Variants in HMCN2 observed in about 807,000 individuals in gnomAD.
HMCN2 encodes the protein hemicentin 2.
HMCN2 carries 325 observed loss-of-function variants against 377.5 expected under a neutral mutation model. That is an observed-to-expected ratio of 0.86 (90% confidence interval 0.79 to 0.94). The LOEUF (loss-of-function observed/expected upper bound fraction) is 0.94, where lower values mean the gene tolerates loss of function less well. Ranked by LOEUF, HMCN2 falls within the 40% of genes least tolerant of loss-of-function variation. HMCN2 has a pLI of 0.00. For synonymous variants in HMCN2, 2,007 were observed against 2,046.8 expected (o/e 0.98, Z 0.53); for missense variants, 4,543 against 4,725.3 (o/e 0.96, Z 1.13).
intron 40 of HMCN2, among the ~76,000 whole-genome samples, chr9:130,363,578 T>G (rs1840501740): frequency 6.6e-6 from 1 of 151,884 alleles, no homozygotes; most frequent in Admixed American, 6.6e-5. Flanking sequence ...TCCCAGCACT[T>G]TGGGAGGCTG....
At chr9:130,266,952 CTTT>C (rs10561462) in intron 1 of HMCN2, among the ~76,000 whole-genome samples, 1 of 149,222 alleles carries the variant, frequency 6.7e-6, no homozygotes, top group African/African-American at 2.5e-5. Context: ...TTCCACACTT[CTTT>C]TTTTTTTTGA....
At position 130,382,216 on chromosome 9, in the gene HMCN2, G is replaced by A. The variant is rs1449308245; in HGVS notation, c.8464G>A (p.Ala2822Thr). Reference sequence around the variant, plus strand: ...GGTCCTGCAGATCCCCCTGGTGCGGGCAGAGAACGCCGGGAGGTACTCGTG... The same window carrying A: ...GGTCCTGCAGATCCCCCTGGTGCGGACAGAGAACGCCGGGAGGTACTCGTG... ...GRVLQIPLVR[A>T]ENAGRYSCKA... The change falls in exon 55 of 98, where the codon GCA becomes ACA. Residue 2822 changes from alanine to threonine, a missense_variant. Ala to Thr is a moderately conservative substitution (Grantham distance 58). Around this residue, in one of 5 missense-constraint regions of HMCN2, gnomAD observed 736 missense variants for 773.2 expected, o/e 0.95. Coordinates refer to ENST00000683500, the MANE Select transcript of HMCN2 (RefSeq NM_001291815.2). 10 of 985,736 alleles carry A rather than the reference G, an allele frequency of 1.0e-5. No individual in the cohort carries two copies. In the East Asian group the frequency reaches 1.0e-3, roughly 101 times the overall value. 61.1% of individuals were successfully genotyped at this position (985,736 alleles called of 1,614,324 possible). A position where few individuals can be genotyped will look rare whatever the true frequency, so the allele number is the denominator to read the frequency against.
chr9:130,345,888 C>T (rs1214819137), intron 25 of HMCN2, among the ~76,000 whole-genome samples: 2 of 151,838 alleles, frequency 1.3e-5, no homozygotes, highest in African/African-American at 4.8e-5. Flanking sequence ...GGGGGCAGGG[C>T]AGCCTCCTGC....
intron 4 of HMCN2, among the ~76,000 whole-genome samples, chr9:130,291,588 A>G (rs1835769687): frequency 6.6e-6 from 1 of 152,252 alleles, no homozygotes; most frequent in Admixed American, 6.5e-5. Flanking sequence ...AAAAGTAAAA[A>G]GAACACACCT....
intron 75 of HMCN2, among the ~76,000 whole-genome samples, chr9:130,399,025 G>A (rs1373767401): frequency 6.6e-6 from 1 of 152,094 alleles, no homozygotes; most frequent in African/African-American, 2.4e-5. Flanking sequence ...GGCTGAGGTG[G>A]GAGGATTGCT....
rs1488855580 is a variant in HMCN2 at position 130,368,269 on chromosome 9, C to T, written c.6626-7C>T. 1.0e-6 allele frequency: 1 copy of T among 985,528 alleles called. No individual in the cohort carries two copies. The highest frequency in any genetic ancestry group is 1.2e-6 in the Non-Finnish European group (1 of 829,896). The allele number at this position is 985,528 out of a possible 1,614,324, so 61.0% of individuals were successfully genotyped here. A position where few individuals can be genotyped will look rare whatever the true frequency, so the allele number is the denominator to read the frequency against. On this transcript the variant is annotated splice_polypyrimidine_tract_variant and splice_region_variant and intron_variant, in intron 43 of 97. Transcript: ENST00000683500. ...TGGACCAGGAGTTTCTTTTTTCCTG[C>T]ACCCAGGTCAACCCCTCCCCGGGGA...
In HMCN2 at chr9:130,428,686, G is replaced by T. The variant is rs1844541459; in HGVS notation, c.14197+197G>T. Among the ~76,000 whole-genome samples, 1 of 152,160 alleles carries T rather than the reference G, an allele frequency of 6.6e-6. No homozygotes were observed. The highest frequency in any genetic ancestry group is 2.4e-5 in the African/African-American group (1 of 41,436). Reference sequence around the variant, plus strand: ...GGTCTGAGCCCTCCCCTGGCTCCTGGCAGCTGGCACCTTCTTTGACAGGGG... The same window carrying T: ...GGTCTGAGCCCTCCCCTGGCTCCTGTCAGCTGGCACCTTCTTTGACAGGGG... On this transcript the variant is annotated intron_variant, in intron 93 of 97. Transcript: ENST00000683500. The surrounding 1 kb of genome is among the most constrained non-coding windows in gnomAD (Gnocchi z 5.0).
rs1403778798 is a variant in HMCN2, at chr9:130,403,194, C to T, written c.11879C>T (p.Ala3960Val). Reference protein sequence around the residue: ...AHKHVFLTVQASPVVKPLPSV... With the variant: ...AHKHVFLTVQVSPVVKPLPSV... ...CCCTCTGCACCCCCGTCCTTTGTAGCCTCCCCGGTGGTGAAGCCGCTGCCC... is the reference window on the plus strand; with the variant it reads ...CCCTCTGCACCCCCGTCCTTTGTAGTCTCCCCGGTGGTGAAGCCGCTGCCC... The change falls in exon 79 of 98, where the codon GCC becomes GTC. Residue 3960 changes from alanine to valine, a missense_variant and splice_region_variant. Ala to Val is a moderately conservative substitution (Grantham distance 64, BLOSUM62 0). Coordinates refer to ENST00000683500, the MANE Select transcript of HMCN2 (RefSeq NM_001291815.2). 1 of 1,288,664 alleles carries T rather than the reference C, an allele frequency of 7.8e-7. No homozygotes were observed. The highest frequency in any genetic ancestry group is 1.0e-6 in the Non-Finnish European group (1 of 988,142). The allele number at this position is 1,288,664 out of a possible 1,614,324, so 79.8% of individuals were successfully genotyped here.
At chr9:130,370,229 T>G (rs1206296419) in intron 45 of HMCN2, among the ~76,000 whole-genome samples, 1 of 152,108 alleles carries the variant, frequency 6.6e-6, no homozygotes, top group Non-Finnish European at 1.5e-5. Context: ...TTGGGGCAGG[T>G]CAGGGCAACC....
chr9:130,370,641 G>T (rs370651612), intron 45 of HMCN2, among the ~76,000 whole-genome samples: 2 of 152,216 alleles, frequency 1.3e-5, no homozygotes, highest in East Asian at 3.9e-4. Flanking sequence ...ACTAATTCCG[G>T]TCCCACTGGC....
chr9:130,363,953 A>G (rs1026046564), intron 40 of HMCN2, among the ~76,000 whole-genome samples: 3 of 133,826 alleles, frequency 2.2e-5, no homozygotes, highest in Non-Finnish European at 3.4e-5. Flanking sequence ...AAAGAGAAAG[A>G]AAAAAAGAGA....
Position 130,393,737 on chromosome 9 carries a change from C to A in HMCN2, c.10235-5C>A. ...GGTTCCTGCCCACCTTTCTGCCCTC[C>A]ATAGTGCCCCCTGTCCTGGAGCCGG... On this transcript the variant is annotated splice_polypyrimidine_tract_variant and splice_region_variant and intron_variant, in intron 67 of 97. Coordinates refer to ENST00000683500, the MANE Select transcript of HMCN2 (RefSeq NM_001291815.2). The surrounding 1 kb of genome is among the most constrained non-coding windows in gnomAD (Gnocchi z 5.2). The A allele has an allele frequency of 8.1e-7, 1 of 1,238,736 alleles. No individual in the cohort carries two copies. Among genetic ancestry groups the A allele is most frequent in the Non-Finnish European group, 1.0e-6 (1 of 964,950 alleles). The allele number at this position is 1,238,736 out of a possible 1,614,324, so 76.7% of individuals were successfully genotyped here.
intron 74 of HMCN2, 147 bp downstream of exon 74, chr9:130,397,802 T>A (rs11244159): frequency 0.12 from 72,397 of 612,838 alleles, 4,607 homozygotes; most frequent in Middle Eastern, 0.16. Context: ...AAAGTTGTGA[T>A]CATGCACACT....
intron 85 of HMCN2, among the ~76,000 whole-genome samples, chr9:130,413,966 T>G: frequency 7.2e-6 from 1 of 139,336 alleles, no homozygotes; most frequent in Admixed American, 7.5e-5. Context: ...GGCAATATGG[T>G]GAAACCCCAT....
Position 130,348,992 on chromosome 9 carries a change from G to T in HMCN2, c.4164G>T (p.Lys1388Asn), listed in dbSNP as rs1424715298. ...VWLKDAQLIP[K>N]VGGHRLLDEG... ...TGGCCTCTCCTACCCAGATTCCTAA[G>T]GTGGGCGGCCACCGCCTCCTGGACG... The change falls in exon 28 of 98, where the codon AAG becomes AAT. Residue 1388 changes from lysine (K) to asparagine (N), a missense_variant. Physicochemically the swap from Lys to Asn is moderately conservative, Grantham distance 94. Transcript: ENST00000683500. The T allele has an allele frequency of 7.7e-7, 1 of 1,303,928 alleles. No individual in the cohort carries two copies. Among genetic ancestry groups the T allele is most frequent in the African/African-American group, 1.5e-5 (1 of 65,836 alleles). The allele number at this position is 1,303,928 out of a possible 1,614,324, so 80.8% of individuals were successfully genotyped here.
In HMCN2 at chr9:130,325,096, C is replaced by CTTTTT. The variant is rs878863979; in HGVS notation, c.2921-488_2921-484dup. Among the ~76,000 whole-genome samples, 269 of 128,072 alleles carry CTTTTT rather than the reference C, an allele frequency of 2.1e-3. 4 individuals carry two copies. Among genetic ancestry groups the CTTTTT allele is most frequent in the Middle Eastern group, 4.2e-3 (1 of 236 alleles). 84.0% of individuals were successfully genotyped at this position (128,072 alleles called of 152,430 possible). Reference sequence around the variant, plus strand: ...GTCTTTTCTTCTTCTTCTTCTTCTTCTTTTTTTTTTTTTTTGTAGACAAGA... The same window carrying CTTTTT: ...GTCTTTTCTTCTTCTTCTTCTTCTTCTTTTTTTTTTTTTTTTTTTTGTAGACAAGA... On this transcript the variant is annotated intron_variant, in intron 19 of 97. Transcript: ENST00000683500.
intron 29 of HMCN2, among the ~76,000 whole-genome samples, 164 bp downstream of exon 29, chr9:130,349,827 G>A (rs551135390): frequency 6.6e-6 from 1 of 152,006 alleles, no homozygotes; most frequent in South Asian, 2.1e-4. Flanking sequence ...CACCCAGCAG[G>A]AGATTAGCCA....
chr9:130,346,606 G>A (rs1378786209), intron 25 of HMCN2, among the ~76,000 whole-genome samples: 2 of 152,148 alleles, frequency 1.3e-5, no homozygotes, highest in African/African-American at 4.8e-5. Flanking sequence ...TAACCCCAGG[G>A]CACAACGCAG....
chr9:130,359,726 C>G (rs187606369), intron 37 of HMCN2, among the ~76,000 whole-genome samples: 3 of 152,258 alleles, frequency 2.0e-5, no homozygotes, highest in Non-Finnish European at 2.9e-5. Context: ...GTCCTCCCCT[C>G]TAGACCAGAA....
Sources: allele counts gnomAD v4.1 joint callset (sites outside exome capture counted in the v4.1 genomes callset), GRCh38; gene constraint gnomAD v4.1.1; regional missense constraint gnomAD v4.1.1; non-coding constraint Gnocchi (gnomAD v3.1); transcripts MANE v1.5; gene names NCBI Gene and HGNC (gene_info 2026-07-23, HGNC 2026-07-21).